The following IGFL4 variants were observed in gnomAD, a reference collection of about 807,000 sequenced individuals.
The protein encoded by IGFL4 is insulin growth factor-like family member 4.
In IGFL4, 12 loss-of-function variants were observed where a neutral mutation model predicts 15.4. The observed-to-expected ratio is 0.78, with a 90% CI of 0.50 to 1.26. IGFL4 has a LOEUF of 1.26. Ranked by LOEUF, IGFL4 falls within the 50% of genes most tolerant of loss-of-function variation. The pLI is 0.00. For missense variants in IGFL4, 126 were observed against 147.8 expected (o/e 0.85, Z 0.76); for synonymous variants, 54 against 55.9 (o/e 0.97, Z 0.16).
At chr19:46,046,973 C>T (rs1441402385) in intron 2 of IGFL4, among the ~76,000 whole-genome samples, 9 of 152,236 alleles carry the variant, frequency 5.9e-5, no homozygotes, top group African/African-American at 1.9e-4. Context: ...CCACATGGCA[C>T]TCACTCTAAA....
rs758683350 is a variant in IGFL4, at chr19:46,039,916, A to C, written c.351T>G (p.Pro117=). 41 of 1,613,280 alleles carry C rather than the reference A, an allele frequency of 2.5e-5. No homozygotes were observed. The highest frequency in any genetic ancestry group is 3.3e-5 in the Non-Finnish European group (39 of 1,179,332). ...TCTAGATGAGGTCAGATCTTGACAC[A>C]GGGCTTTTTGGGTGGTATTCCTGCA... The part of the protein sequence containing the change: ...ICAQEYHPKS[P]VSRSDLI Residue 117 remains proline (P), a synonymous_variant, in exon 4 of 4, where the codon CCT becomes CCG. Transcript: ENST00000377697.
intron 2 of IGFL4, among the ~76,000 whole-genome samples, chr19:46,055,912 G>A (rs1040925398): frequency 6.6e-6 from 1 of 152,092 alleles, no homozygotes; most frequent in Admixed American, 6.5e-5. Context: ...GAGTAGCTAG[G>A]ATTACAGGTG....
chr19:46,069,842 G>C (rs988664712), intron 1 of IGFL4, among the ~76,000 whole-genome samples: 2 of 152,158 alleles, frequency 1.3e-5, no homozygotes, highest in Non-Finnish European at 2.9e-5. Context: ...AAGATGCTCT[G>C]AGCCATATGC....
intron 1 of IGFL4, among the ~76,000 whole-genome samples, chr19:46,074,908 A>G (rs1181667247): frequency 1.3e-5 from 2 of 152,208 alleles, no homozygotes; most frequent in Non-Finnish European, 2.9e-5. Flanking sequence ...AGCTGATGAA[A>G]ATCATGTCCC....
At chr19:46,068,781 G>A (rs543978144) in intron 1 of IGFL4, among the ~76,000 whole-genome samples, 3 of 152,350 alleles carry the variant, frequency 2.0e-5, no homozygotes, top group South Asian at 2.1e-4. Context: ...GTTTCATAGA[G>A]GAAGAGGTAG....
intron 1 of IGFL4, among the ~76,000 whole-genome samples, chr19:46,074,304 C>A (rs1441168827): frequency 6.6e-6 from 1 of 151,012 alleles, no homozygotes; most frequent in Non-Finnish European, 1.5e-5. Flanking sequence ...TATATACACA[C>A]ACACATATAT....
At chr19:46,061,549 GT>G (rs1190727431) in intron 1 of IGFL4, among the ~76,000 whole-genome samples, 7 of 152,172 alleles carry the variant, frequency 4.6e-5, no homozygotes, top group African/African-American at 1.7e-4. Flanking sequence ...AAAGCATGCA[GT>G]TTCTACAGCC....
intron 1 of IGFL4, among the ~76,000 whole-genome samples, chr19:46,066,168 C>T (rs145513078): frequency 5.9e-5 from 9 of 152,282 alleles, no homozygotes; most frequent in African/African-American, 2.2e-4. Context: ...GATCTTTAAA[C>T]ATCTTGACAC....
chr19:46,048,263 C>T (rs745363715), intron 2 of IGFL4, among the ~76,000 whole-genome samples: 14 of 152,176 alleles, frequency 9.2e-5, no homozygotes, highest in South Asian at 2.1e-4. Context: ...ATTGAAGGAC[C>T]GTACCTCAAA....
intron 1 of IGFL4, among the ~76,000 whole-genome samples, chr19:46,071,520 T>C (rs998466966): frequency 1.3e-5 from 2 of 151,912 alleles, no homozygotes; most frequent in Non-Finnish European, 2.9e-5. Context: ...TTCATTGAAG[T>C]GGGGATGGGG....
chr19:46,042,525 G>A (rs1373800357), upstream of IGFL4, among the ~76,000 whole-genome samples: 1 of 152,212 alleles, frequency 6.6e-6, no homozygotes, highest in African/African-American at 2.4e-5. Context: ...ATTGATCTCT[G>A]TATAATTGAA....
At chr19:46,056,544 G>A (rs1233198066) in intron 2 of IGFL4, among the ~76,000 whole-genome samples, 1 of 152,192 alleles carries the variant, frequency 6.6e-6, no homozygotes, top group Non-Finnish European at 1.5e-5. Flanking sequence ...AGTGTCTGCT[G>A]TGACATTCTG....
rs766625997 is a variant in IGFL4 at position 46,040,191 on chromosome 19, C to A, written c.296G>T (p.Cys99Phe). The A allele has an allele frequency of 1.2e-6, 2 of 1,613,942 alleles. No homozygotes were observed. The highest frequency in any genetic ancestry group is 1.3e-5 in the African/African-American group (1 of 74,918). Residue 99 changes from cysteine (C) to phenylalanine (F), a missense_variant, in exon 3 of 4, where the codon TGC becomes TTC. Physicochemically the swap from Cys to Phe is radical, Grantham distance 205. Transcript: ENST00000377697. This position sits in a 1 kb window ranked among gnomAD's most constrained non-coding sequence, Gnocchi z 4.1. ...RFKVPGMKPDCKSSPITRICA... is the reference protein window; with the variant it reads ...RFKVPGMKPDFKSSPITRICA... ...GATCCTGGTGATAGGGGAGGACTTG[C>A]AATCTGGCTTCATGCCTGGGACCTT...
At chr19:46,044,617 C>G (rs531006096), upstream of IGFL4, among the ~76,000 whole-genome samples, 6 of 152,334 alleles carry the variant, frequency 3.9e-5, no homozygotes, top group East Asian at 1.2e-3. Flanking sequence ...TTCCCCACAA[C>G]ACAGCACATC....
intron 1 of IGFL4, among the ~76,000 whole-genome samples, chr19:46,068,270 A>G (rs1969513652): frequency 6.6e-6 from 1 of 152,224 alleles, no homozygotes; most frequent in Non-Finnish European, 1.5e-5. Context: ...CAGGGCAGAC[A>G]GAGCTGATGT....
upstream of IGFL4, among the ~76,000 whole-genome samples, chr19:46,045,474 T>C (rs1969290115): frequency 6.8e-6 from 1 of 147,402 alleles, no homozygotes; most frequent in Non-Finnish European, 1.5e-5. Flanking sequence ...TGGGTAATAA[T>C]GAACTTCACT....
At chr19:46,066,265 TGTAA>T (rs1231823500) in intron 1 of IGFL4, among the ~76,000 whole-genome samples, 1 of 152,210 alleles carries the variant, frequency 6.6e-6, no homozygotes, top group Non-Finnish European at 1.5e-5. Context: ...AAATATTTAG[TGTAA>T]GTATGTCCCA....
intron 1 of IGFL4, among the ~76,000 whole-genome samples, chr19:46,075,687 C>T (rs1035234863): frequency 2.0e-5 from 3 of 152,172 alleles, no homozygotes; most frequent in Non-Finnish European, 2.9e-5. Flanking sequence ...TTTTCTCCAG[C>T]GTAAAGTTAC....
At chr19:46,057,321 T>C (rs1033940893) in intron 2 of IGFL4, among the ~76,000 whole-genome samples, 11 of 152,096 alleles carry the variant, frequency 7.2e-5, no homozygotes, top group Non-Finnish European at 1.2e-4. Flanking sequence ...ACCACATTTT[T>C]CCTCAGGGCT....
Sources: gnomAD v4.1 joint callset for allele counts (sites outside exome capture counted in the v4.1 genomes callset) on GRCh38, gnomAD v4.1.1 for gene constraint, Gnocchi (gnomAD v3.1) non-coding constraint, MANE v1.5 for transcripts, NCBI Gene and HGNC (gene_info 2026-07-23, HGNC 2026-07-21) for gene names.